The following SLC19A1 variants were observed in gnomAD, a reference collection of about 807,000 sequenced individuals.
The protein encoded by SLC19A1 is solute carrier family 19 member 1.
A neutral mutation model predicts 35.3 loss-of-function variants in SLC19A1; 37 were observed. The ratio of observed to expected loss-of-function variants is 1.05; its 90% confidence interval spans 0.81 to 1.38. The LOEUF (loss-of-function observed/expected upper bound fraction) is 1.38, where lower values mean the gene tolerates loss of function less well. Ranked by LOEUF, SLC19A1 falls within the 40% of genes most tolerant of loss-of-function variation. SLC19A1 has a pLI of 0.00. For missense variants in SLC19A1, 831 were observed against 826.9 expected (o/e 1.00, Z -0.06); for synonymous variants, 460 against 398.5 (o/e 1.15, Z -1.84).
Position 45,537,293 on chromosome 21 carries a change from G to A in SLC19A1, c.189+478C>T, listed in dbSNP as rs532024283. ...CTGCTGGGAGTGTGAGACCCCAGCC[G>A]GGTTCCCTCCAGGACCATATTATCA... On this transcript the variant is annotated intron_variant, in intron 2 of 5. Transcript: ENST00000311124. Among the ~76,000 whole-genome samples, 286 of 152,242 alleles carry A rather than the reference G, an allele frequency of 1.9e-3. 1 individual carries two copies. Among genetic ancestry groups the A allele is most frequent in the African/African-American group, 5.9e-3 (246 of 41,528 alleles).
intron 1 of SLC19A1, among the ~76,000 whole-genome samples, chr21:45,554,813 G>A (rs2078526311): frequency 6.6e-6 from 1 of 151,666 alleles, no homozygotes; most frequent in Admixed American, 6.6e-5. Context: ...TTTCTCTTAC[G>A]GTTTCGGTTT....
At chr21:45,559,122 T>C (rs1311526111) in intron 1 of SLC19A1, among the ~76,000 whole-genome samples, 1 of 152,136 alleles carries the variant, frequency 6.6e-6, no homozygotes, top group Non-Finnish European at 1.5e-5. Flanking sequence ...TGAATTTTCA[T>C]GTGGAAGTCA....
chr21:45,512,066 C>T (rs2037642853), downstream of SLC19A1: 1 of 1,087,296 alleles, frequency 9.2e-7, no homozygotes, highest in Admixed American at 2.0e-5. Flanking sequence ...TTGTGGGAGC[C>T]TCTGCAGCCC....
At chr21:45,509,590 T>C, downstream of SLC19A1, 1 of 1,495,920 alleles carries the variant, frequency 6.7e-7, no homozygotes, top group Non-Finnish European at 8.9e-7. Context: ...CCACCGCGAC[T>C]TCCAGCCGGT....
At chr21:45,510,062 A>G (rs2037486201), downstream of SLC19A1, 1 of 1,559,582 alleles carries the variant, frequency 6.4e-7, no homozygotes, top group Non-Finnish European at 8.6e-7. Flanking sequence ...CTCTCCCCGC[A>G]GCTCCACCTG....
intron 2 of SLC19A1, among the ~76,000 whole-genome samples, chr21:45,536,862 C>A (rs1024633438): frequency 6.6e-6 from 1 of 152,104 alleles, no homozygotes; most frequent in Non-Finnish European, 1.5e-5. Context: ...CCTGTGAGAG[C>A]GCTTTTCCAG....
At chr21:45,548,515 A>C (rs2078435164), upstream of SLC19A1, among the ~76,000 whole-genome samples, 1 of 152,194 alleles carries the variant, frequency 6.6e-6, no homozygotes, top group African/African-American at 2.4e-5. Flanking sequence ...AGGCCGAGGC[A>C]GGTTGGTCAC....
intron 5 of SLC19A1, among the ~76,000 whole-genome samples, chr21:45,516,536 C>T (rs927065295): frequency 2.0e-5 from 3 of 152,204 alleles, no homozygotes; most frequent in Non-Finnish European, 4.4e-5. Flanking sequence ...GTGAGGAGAG[C>T]CACAGCAGGT....
intron 3 of SLC19A1, chr21:45,505,498 C>A: frequency 2.4e-6 from 2 of 847,948 alleles, no homozygotes; most frequent in South Asian, 1.4e-5. Context: ...AGCCCCTGCC[C>A]CTCAGAGACA....
chr21:45,509,993 G>T, downstream of SLC19A1: 1 of 1,498,242 alleles, frequency 6.7e-7, no homozygotes, highest in Non-Finnish European at 8.9e-7. Context: ...CGGGGCCGGG[G>T]TGGTGCGCCC....
At chr21:45,506,834 G>A (rs993858527) in intron 3 of SLC19A1, 12 of 167,562 alleles carry the variant, frequency 7.2e-5, no homozygotes, top group African/African-American at 2.6e-4. Context: ...TCTCGCCACC[G>A]GCCCCCTCCT....
In SLC19A1 at chr21:45,517,152, T is replaced by C. The variant is rs1316223589; in HGVS notation, c.1294-1012A>G. Reference sequence around the variant, plus strand: ...TGCCACGCAGAGCTCCCTGGGGGCTTTTCTTTTCACCTCAGATATTTTGAA... The same window carrying C: ...TGCCACGCAGAGCTCCCTGGGGGCTCTTCTTTTCACCTCAGATATTTTGAA... On this transcript the variant is annotated intron_variant, in intron 5 of 5. Transcript: ENST00000311124. The surrounding 1 kb of genome is among the most constrained non-coding windows in gnomAD (Gnocchi z 4.4). Among the ~76,000 whole-genome samples the C allele has an allele frequency of 6.6e-6, 1 of 152,122 alleles. No individual in the cohort carries two copies. Among genetic ancestry groups the C allele is most frequent in the African/African-American group, 2.4e-5 (1 of 41,418 alleles).
rs1569031758 is a variant in SLC19A1 at position 45,555,160 on chromosome 21, C to CGGCGCAGGGGGCGGCGCA, written c.-50+7581_-50+7582insTGCGCCGCCCCCTGCGCC. Among the ~76,000 whole-genome samples the CGGCGCAGGGGGCGGCGCA allele has an allele frequency of 1.0e-3, 43 of 41,824 alleles. 7 individuals are homozygous for CGGCGCAGGGGGCGGCGCA. The highest frequency in any genetic ancestry group is 0.019 in the Middle Eastern group (2 of 106). The allele number at this position is 41,824 out of a possible 152,430, so 27.4% of individuals were successfully genotyped here. On this transcript the variant is annotated intron_variant, in intron 1 of 5. Coordinates refer to the SLC19A1 transcript ENST00000650808. ...ACGCAGGGGGCGGTGCAGGGGGCGG[C>CGGCGCAGGGGGCGGCGCA]GGGGGCGGCGCAGGGGGCGGTGCAG... is the stretch of plus-strand genomic sequence containing the variant.
intron 1 of SLC19A1, among the ~76,000 whole-genome samples, chr21:45,550,203 G>T (rs890862322): frequency 6.6e-6 from 1 of 152,070 alleles, no homozygotes; most frequent in Non-Finnish European, 1.5e-5. Context: ...CCCATGCACC[G>T]CCCTGGTCAC....
chr21:45,507,668 G>A, downstream of SLC19A1: 3 of 1,399,796 alleles, frequency 2.1e-6, no homozygotes, highest in Non-Finnish European at 3.0e-6. Context: ...CCTGTTTGAG[G>A]AACAACACGT....
rs1419940631 is a variant in SLC19A1, at chr21:45,540,401, CA to C, written c.-50+1966del. On this transcript the variant is annotated intron_variant, in intron 1 of 5. Coordinates refer to ENST00000311124, the MANE Select transcript of SLC19A1 (RefSeq NM_194255.4). This position sits in a 1 kb window ranked among gnomAD's most constrained non-coding sequence, Gnocchi z 5.5. ...GTCAGATCCCCACCCACAGGACCCCCAGGGGCCCGGGAGCCCTGGGTACTTG... is the reference window on the plus strand; with the variant it reads ...GTCAGATCCCCACCCACAGGACCCCCGGGGCCCGGGAGCCCTGGGTACTTG... Among the ~76,000 whole-genome samples, 2 of 152,188 alleles carry C rather than the reference CA, an allele frequency of 1.3e-5. No homozygotes were observed. The highest frequency in any genetic ancestry group is 2.9e-5 in the Non-Finnish European group (2 of 68,028).
rs773458721 is a variant in SLC19A1, at chr21:45,531,540, C to G, written c.798G>C (p.Gln266His). 6.2e-6 allele frequency: 10 copies of G among 1,612,072 alleles called. No homozygotes were observed. Among genetic ancestry groups the G allele is most frequent in the Non-Finnish European group, 8.5e-6 (10 of 1,179,582 alleles). The stretch of plus-strand genomic sequence containing the variant: ...CCCACCAGAGGGACCACAGGCGCAG[C>G]TGCGGCCGCCGCAGGCTGTCCCCCA... ...RELGDSLRRP[Q>H]LRLWSLWWVF... The change falls in exon 3 of 6, where the codon CAG (glutamine) becomes CAC (histidine). Residue 266 changes from glutamine (Q) to histidine (H), a missense_variant. Coordinates refer to ENST00000311124, the MANE Select transcript of SLC19A1 (RefSeq NM_194255.4).
At chr21:45,504,462 G>GA in intron 3 of SLC19A1, 1 of 1,610,714 alleles carries the variant, frequency 6.2e-7, no homozygotes, top group Non-Finnish European at 8.5e-7. Flanking sequence ...GGCGAAAGGG[G>GA]GGAGCCCGGG....
chr21:45,529,166 A>G (rs915619209), intron 4 of SLC19A1, among the ~76,000 whole-genome samples: 1 of 152,078 alleles, frequency 6.6e-6, no homozygotes, highest in African/African-American at 2.4e-5. Context: ...AGGGGCCCCG[A>G]GTATGGCAGG....
Sources: allele counts gnomAD v4.1 joint callset (sites outside exome capture counted in the v4.1 genomes callset), GRCh38; gene constraint gnomAD v4.1.1; non-coding constraint Gnocchi (gnomAD v3.1); transcripts MANE v1.5; gene names NCBI Gene and HGNC (gene_info 2026-07-23, HGNC 2026-07-21).